WDR70: variants seen among roughly 807,000 people sequenced by gnomAD.
The protein encoded by WDR70 is WD repeat-containing protein 70.
WDR70 carries 53 observed loss-of-function variants against 88.6 expected under a neutral mutation model. The observed-to-expected ratio is 0.60, with a 90% confidence interval of 0.48 to 0.75. The LOEUF (loss-of-function observed/expected upper bound fraction) is 0.75, where lower values mean the gene tolerates loss of function less well. Ranked by LOEUF, WDR70 falls within the 30% of genes least tolerant of loss-of-function variation. The pLI is 0.00. For synonymous variants in WDR70, 280 were observed against 270.0 expected, an observed-to-expected ratio of 1.04 and a Z score of -0.36; for missense variants, 610 against 823.2, an observed-to-expected ratio of 0.74 and a Z score of 3.17.
rs569681182 is a variant in WDR70 at position 37,479,954 on chromosome 5, A to G, written c.807A>G (p.Gly269=). ...DGFEVMECIK[G]DQYIVDMANT... The stretch of plus-strand genomic sequence containing the variant: ...TTGAAGTAATGGAATGTATAAAAGG[A>G]GACCAGTATATTGTGGACATGGCCA... Residue 269 remains glycine, a synonymous_variant, in exon 8 of 18, where the codon GGA becomes GGG. Coordinates refer to ENST00000265107, the MANE Select transcript of WDR70 (RefSeq NM_018034.4). The G allele has an allele frequency of 6.2e-7, 1 of 1,614,054 alleles. No individual in the cohort carries two copies. Among genetic ancestry groups the G allele is most frequent in the East Asian group, 2.2e-5 (1 of 44,868 alleles).
intron 9 of WDR70, among the ~76,000 whole-genome samples, chr5:37,552,313 C>T (rs1742170324): frequency 6.6e-6 from 1 of 152,180 alleles, no homozygotes; most frequent in Admixed American, 6.5e-5. Context: ...ATAAATTCAA[C>T]ATCTATCATC....
chr5:37,730,396 G>T (rs186026419), intron 17 of WDR70, among the ~76,000 whole-genome samples: 87 of 152,150 alleles, frequency 5.7e-4, no homozygotes, highest in Non-Finnish European at 1.2e-3. Flanking sequence ...TTGATTTAAA[G>T]ATTTGTATAT....
At chr5:37,508,302 G>A (rs1740622573) in intron 8 of WDR70, among the ~76,000 whole-genome samples, 1 of 152,124 alleles carries the variant, frequency 6.6e-6, no homozygotes, top group Admixed American at 6.5e-5. Context: ...AGATACCAGA[G>A]CTTTCTGTCT....
chr5:37,650,577 C>T (rs1561050891), intron 10 of WDR70, among the ~76,000 whole-genome samples: 1 of 152,044 alleles, frequency 6.6e-6, no homozygotes, highest in East Asian at 1.9e-4. Flanking sequence ...ATGCGTTTAG[C>T]TCTAGGAATA....
intron 9 of WDR70, among the ~76,000 whole-genome samples, chr5:37,546,378 G>A (rs997817382): frequency 6.6e-6 from 1 of 152,066 alleles, no homozygotes; most frequent in Non-Finnish European, 1.5e-5. Flanking sequence ...AAATGTTGGA[G>A]GAAAGTTTGA....
chr5:37,506,182 T>C, intron 8 of WDR70: 1 of 1,038,282 alleles, frequency 9.6e-7, no homozygotes, highest in East Asian at 2.4e-5. Context: ...TCAGCACCAC[T>C]GAAGTTCAAA....
At chr5:37,410,467 A>G (rs1749491855) in intron 5 of WDR70, among the ~76,000 whole-genome samples, 1 of 151,202 alleles carries the variant, frequency 6.6e-6, no homozygotes, top group South Asian at 2.1e-4. Context: ...CCTCTAAGCA[A>G]CCTCTCCAGA....
At chr5:37,651,187 C>A (rs1459059434) in intron 10 of WDR70, among the ~76,000 whole-genome samples, 1 of 152,040 alleles carries the variant, frequency 6.6e-6, no homozygotes, top group Non-Finnish European at 1.5e-5. Flanking sequence ...TGTTCAGCTC[C>A]CACTTATCAG....
intron 7 of WDR70, among the ~76,000 whole-genome samples, chr5:37,468,009 T>G (rs139139448): frequency 0.16 from 24,618 of 150,112 alleles, 2,106 homozygotes; most frequent in South Asian, 0.27. Context: ...CCACCGCGCC[T>G]GGCCTAATTT....
At chr5:37,709,426 A>G (rs958291908) in intron 13 of WDR70, among the ~76,000 whole-genome samples, 11 of 152,214 alleles carry the variant, frequency 7.2e-5, no homozygotes, top group Admixed American at 7.2e-4. Context: ...AAAATATTAT[A>G]TTTGCCCACA....
chr5:37,721,792 T>C (rs1747822846), intron 14 of WDR70: 1 of 152,414 alleles, frequency 6.6e-6, no homozygotes, highest in African/African-American at 2.4e-5. Context: ...TTATTTCCGT[T>C]TTGCTTAGGC....
intron 10 of WDR70, among the ~76,000 whole-genome samples, chr5:37,634,849 G>A (rs1299324207): frequency 1.3e-5 from 2 of 152,198 alleles, no homozygotes; most frequent in Admixed American, 1.3e-4. Flanking sequence ...TCGGGGGACA[G>A]GGAAGGCTGT....
At chr5:37,660,896 C>T (rs1435684595) in intron 10 of WDR70, among the ~76,000 whole-genome samples, 1 of 151,930 alleles carries the variant, frequency 6.6e-6, no homozygotes, top group African/African-American at 2.4e-5. Context: ...TAAAAGAAGG[C>T]CAACAAATTT....
intron 9 of WDR70, among the ~76,000 whole-genome samples, chr5:37,557,635 T>C (rs1257820508): frequency 1.3e-5 from 2 of 152,032 alleles, no homozygotes; most frequent in East Asian, 3.9e-4. Context: ...GGAGGTACTA[T>C]AGACTTAGTG....
At chr5:37,706,759 ACT>A (rs976815676) in intron 13 of WDR70, among the ~76,000 whole-genome samples, 1 of 148,598 alleles carries the variant, frequency 6.7e-6, no homozygotes, top group Non-Finnish European at 1.5e-5. Context: ...TCACACTCAC[ACT>A]CTCTCTCTCT....
intron 9 of WDR70, among the ~76,000 whole-genome samples, chr5:37,529,524 G>A (rs1741415560): frequency 1.3e-5 from 2 of 152,046 alleles, no homozygotes; most frequent in Non-Finnish European, 2.9e-5. Context: ...TTTCCTTGTA[G>A]AGGTCTTTCA....
rs545920990 is a variant in WDR70 at position 37,658,895 on chromosome 5, A to G, written c.1093-38760A>G. Among the ~76,000 whole-genome samples, 7 of 152,174 alleles carry G rather than the reference A, an allele frequency of 4.6e-5. No individual in the cohort carries two copies. The East Asian group carries it at 5.8e-4, about 13-fold the overall frequency. On this transcript the variant is annotated intron_variant, in intron 10 of 17. Transcript: ENST00000265107. Reference sequence around the variant, plus strand: ...TTAAACATTTGAAGTTTTATTTTCAATGTTTGTCTTCCTAGGTCCTACTAG... The same window carrying G: ...TTAAACATTTGAAGTTTTATTTTCAGTGTTTGTCTTCCTAGGTCCTACTAG...
At position 37,662,933 on chromosome 5, in the gene WDR70, ACTATGAATTACAGTGTAATCTT is replaced by A. The variant is rs1745739870; in HGVS notation, c.1093-34719_1093-34698del. On this transcript the variant is annotated intron_variant, in intron 10 of 17. Coordinates refer to ENST00000265107, the MANE Select transcript of WDR70 (RefSeq NM_018034.4). ...GAAAAAGTGTTATTAAAATACTGAG[ACTATGAATTACAGTGTAATCTT>A]CTTGAAGGCAGAGATTATGTTTTAC... Among the ~76,000 whole-genome samples the A allele has an allele frequency of 3.3e-5, 5 of 152,294 alleles. No individual in the cohort carries two copies. In the South Asian group the frequency reaches 1.0e-3, roughly 32 times the overall value.
intron 8 of WDR70, among the ~76,000 whole-genome samples, chr5:37,494,822 GATATTAAAATT>G (rs1295169760): frequency 6.6e-6 from 1 of 152,184 alleles, no homozygotes; most frequent in Non-Finnish European, 1.5e-5. Context: ...TATTCAAATG[GATATTAAAATT>G]ACTCAGGAAT....
Sources: gnomAD v4.1 joint callset for allele counts (sites outside exome capture counted in the v4.1 genomes callset) on GRCh38, gnomAD v4.1.1 for gene constraint, MANE v1.5 for transcripts, NCBI Gene and HGNC (gene_info 2026-07-23, HGNC 2026-07-21) for gene names.